LSAMP: variants seen among roughly 807,000 people sequenced by gnomAD.
LSAMP encodes the protein limbic system-associated membrane protein.
In LSAMP, 7 loss-of-function variants were observed where a neutral mutation model predicts 38.6. The ratio of observed to expected loss-of-function variants is 0.18; its 90% confidence interval spans 0.10 to 0.34. LSAMP has a LOEUF of 0.34. LSAMP is among the 10% of genes least tolerant of loss of function. LSAMP has a pLI of 1.00. For missense variants in LSAMP, 313 were observed against 420.0 expected, an observed-to-expected ratio of 0.75 and a Z score of 2.23; for synonymous variants, 154 against 166.8, an observed-to-expected ratio of 0.92 and a Z score of 0.59.
At chr3:116,047,936 T>C (rs1399475435) in intron 2 of LSAMP, among the ~76,000 whole-genome samples, 1 of 152,204 alleles carries the variant, frequency 6.6e-6, no homozygotes, top group African/African-American at 2.4e-5. Flanking sequence ...AGAAAAAATA[T>C]ACTCTCATCG....
chr3:116,029,546 T>G (rs1326823359), intron 2 of LSAMP, among the ~76,000 whole-genome samples: 2 of 152,102 alleles, frequency 1.3e-5, no homozygotes, highest in Non-Finnish European at 2.9e-5. Context: ...ATGCTAACTA[T>G]TTAGAAGAAA....
rs140473555 is a variant in LSAMP, at chr3:116,295,361, G to C, written c.155+149516C>G. ...AGATTGAGTTATTTCAATATCGGGT[G>C]ACATTCGTGGATCCACATTTCCTGA... On this transcript the variant is annotated intron_variant, in intron 1 of 6. Transcript: ENST00000490035. 5.9e-4 allele frequency among the ~76,000 whole-genome samples: 90 copies of C among 152,318 alleles called. 1 individual carries two copies. The East Asian group carries it at 0.014, about 24-fold the overall frequency.
chr3:116,030,374 C>T (rs1940891697), intron 2 of LSAMP, among the ~76,000 whole-genome samples: 1 of 152,056 alleles, frequency 6.6e-6, no homozygotes, highest in African/African-American at 2.4e-5. Flanking sequence ...CAAATGGAAC[C>T]CTTCTGAGTC....
At chr3:115,897,026 T>A (rs1936746234) in intron 3 of LSAMP, among the ~76,000 whole-genome samples, 1 of 152,060 alleles carries the variant, frequency 6.6e-6, no homozygotes, top group Non-Finnish European at 1.5e-5. Flanking sequence ...GTCCTAGACA[T>A]TTAGGTATGA....
At chr3:116,294,665 T>C (rs2047306102) in intron 1 of LSAMP, among the ~76,000 whole-genome samples, 1 of 151,850 alleles carries the variant, frequency 6.6e-6, no homozygotes, top group African/African-American at 2.4e-5. Context: ...TAGATCGCCA[T>C]TTAAATTTAA....
intron 1 of LSAMP, among the ~76,000 whole-genome samples, chr3:116,151,176 A>G (rs1054235559): frequency 5.3e-5 from 8 of 152,084 alleles, no homozygotes; most frequent in South Asian, 2.1e-4. Flanking sequence ...AGTCATTGGT[A>G]TGAAGAATCT....
chr3:116,261,808 ATG>A (rs1156945501), intron 1 of LSAMP, among the ~76,000 whole-genome samples: 4 of 150,978 alleles, frequency 2.6e-5, no homozygotes, highest in Admixed American at 1.3e-4. Context: ...ACAGGTGTGT[ATG>A]TGTGTGTATT....
At chr3:115,933,579 C>G (rs921447749) in intron 3 of LSAMP, among the ~76,000 whole-genome samples, 5 of 152,174 alleles carry the variant, frequency 3.3e-5, no homozygotes, top group Non-Finnish European at 7.3e-5. Flanking sequence ...ACATGGCCAG[C>G]AGGCAGAAAT....
chr3:116,317,720 A>G (rs28504104), intron 1 of LSAMP, among the ~76,000 whole-genome samples: 32,831 of 152,036 alleles, frequency 0.22, 4,055 homozygotes, highest in African/African-American at 0.31. Context: ...GTTATAGTTC[A>G]TGATTTTTGT....
intron 1 of LSAMP, among the ~76,000 whole-genome samples, chr3:116,391,043 C>T (rs940830453): frequency 2.6e-5 from 4 of 152,200 alleles, no homozygotes; most frequent in Non-Finnish European, 5.9e-5. Flanking sequence ...TAGAACATCT[C>T]TGTGGAGTTG....
chr3:116,043,797 T>C (rs1415719481), intron 2 of LSAMP, among the ~76,000 whole-genome samples: 6 of 152,118 alleles, frequency 3.9e-5, no homozygotes, highest in African/African-American at 1.4e-4. Flanking sequence ...TACAAAAAAT[T>C]AGCCAGGCAT....
In LSAMP at chr3:116,190,867, G is replaced by C. The variant is rs549370678; in HGVS notation, c.156-104311C>G. On this transcript the variant is annotated intron_variant, in intron 1 of 6. Transcript: ENST00000490035. The stretch of plus-strand genomic sequence containing the variant: ...GAACAAAGAACCACTGGTCTTCCTA[G>C]AGTTCACGTCTATTCCAGCTTCAAC... Among the ~76,000 whole-genome samples the C allele has an allele frequency of 6.5e-4, 99 of 152,202 alleles. 3 individuals are homozygous for C. The South Asian group carries it at 0.02, about 31-fold the overall frequency.
chr3:116,059,142 G>T (rs574752989), intron 2 of LSAMP, among the ~76,000 whole-genome samples: 6 of 152,080 alleles, frequency 3.9e-5, no homozygotes, highest in African/African-American at 1.2e-4. Context: ...AAATAAGAGG[G>T]TAACTCATTT....
intron 1 of LSAMP, among the ~76,000 whole-genome samples, chr3:116,151,460 TGTG>T (rs1452471466): frequency 1.3e-5 from 2 of 152,006 alleles, no homozygotes; most frequent in Non-Finnish European, 2.9e-5. Context: ...GGGAGATTGT[TGTG>T]GTGAGTGAAC....
intron 2 of LSAMP, among the ~76,000 whole-genome samples, chr3:116,067,045 G>A (rs1707470768): frequency 6.6e-6 from 1 of 152,088 alleles, no homozygotes; most frequent in Non-Finnish European, 1.5e-5. Context: ...ACTTAGCAGA[G>A]CAGTTCTTAC....
At chr3:115,867,434 C>A (rs1935892926) in intron 3 of LSAMP, among the ~76,000 whole-genome samples, 1 of 152,074 alleles carries the variant, frequency 6.6e-6, no homozygotes. Flanking sequence ...TTAAGCCCCA[C>A]AAATCCTCCC....
chr3:116,268,367 G>A (rs139681652), intron 1 of LSAMP, among the ~76,000 whole-genome samples: 109 of 152,180 alleles, frequency 7.2e-4, no homozygotes, highest in African/African-American at 2.4e-3. Context: ...GGAAATATAA[G>A]GCATAAATCC....
At chr3:115,818,344 C>A (rs1163083998) in intron 6 of LSAMP, among the ~76,000 whole-genome samples, 2 of 152,144 alleles carry the variant, frequency 1.3e-5, no homozygotes, top group African/African-American at 4.8e-5. Flanking sequence ...AGGCCTCAAT[C>A]CTCGATGAGG....
At chr3:116,310,948 A>T (rs1004163204) in intron 1 of LSAMP, among the ~76,000 whole-genome samples, 5 of 150,086 alleles carry the variant, frequency 3.3e-5, no homozygotes, top group Non-Finnish European at 5.9e-5. Context: ...GGATATGAAT[A>T]GTTCACGGAT....
Sources: allele counts gnomAD v4.1 joint callset (sites outside exome capture counted in the v4.1 genomes callset), GRCh38; gene constraint gnomAD v4.1.1; transcripts MANE v1.5; gene names NCBI Gene and HGNC (gene_info 2026-07-23, HGNC 2026-07-21).